RGS7: variants seen among roughly 807,000 people sequenced by gnomAD.
RGS7 encodes the protein regulator of G protein signaling 7.
A neutral mutation model predicts 81.1 loss-of-function variants in RGS7; 27 were observed. The ratio of observed to expected loss-of-function variants is 0.33; its 90% CI spans 0.25 to 0.46. The LOEUF is 0.46. Among genes scored for constraint, RGS7 ranks in the 20% least tolerant of loss-of-function variants. The pLI is 1.00. For synonymous variants in RGS7, 208 were observed against 207.7 expected, an observed-to-expected ratio of 1.00 and a Z score of -0.01; for missense variants, 396 against 607.4, an observed-to-expected ratio of 0.65 and a Z score of 3.66.
intron 2 of RGS7, among the ~76,000 whole-genome samples, chr1:241,353,604 G>A (rs1573811914): frequency 6.6e-6 from 1 of 152,122 alleles, no homozygotes; most frequent in Admixed American, 6.6e-5. Flanking sequence ...TTCCAATAAT[G>A]CCTTATCAAG....
At chr1:240,833,305 G>A (rs1015496647) in intron 9 of RGS7, among the ~76,000 whole-genome samples, 1 of 152,140 alleles carries the variant, frequency 6.6e-6, no homozygotes, top group African/African-American at 2.4e-5. Context: ...TGGGATAGAC[G>A]AGATTTCATC....
At chr1:240,786,559 T>A (rs1685102113) in intron 18 of RGS7, among the ~76,000 whole-genome samples, 1 of 152,162 alleles carries the variant, frequency 6.6e-6, no homozygotes, top group African/African-American at 2.4e-5. Context: ...TATGTACATA[T>A]AAACACACAC....
chr1:241,294,286 G>C (rs1252142518), intron 2 of RGS7, among the ~76,000 whole-genome samples: 4 of 151,750 alleles, frequency 2.6e-5, no homozygotes, highest in African/African-American at 9.7e-5. Context: ...ACTGGGACCT[G>C]TCGGGGGTGG....
intron 6 of RGS7, among the ~76,000 whole-genome samples, chr1:240,924,592 C>T (rs1674120325): frequency 6.6e-6 from 1 of 152,188 alleles, no homozygotes; most frequent in Non-Finnish European, 1.5e-5. Flanking sequence ...TCTCTCCCTT[C>T]CATACTAAAT....
intron 3 of RGS7, 74 bp downstream of exon 3, chr1:241,098,592 A>G (rs1329994009): frequency 3.1e-6 from 3 of 966,978 alleles, no homozygotes; most frequent in Non-Finnish European, 5.0e-6. Flanking sequence ...TCAATAGTGA[A>G]CAGCTGGAAT....
chr1:240,998,348 A>G (rs575226), intron 3 of RGS7: 147,949 of 470,974 alleles, frequency 0.31, 24,565 homozygotes, highest in Admixed American at 0.46. Context: ...CTGAAGGTTT[A>G]TATCTTTGCT....
At chr1:240,833,477 G>A (rs1054089074) in intron 9 of RGS7, among the ~76,000 whole-genome samples, 1 of 152,112 alleles carries the variant, frequency 6.6e-6, no homozygotes, top group African/African-American at 2.4e-5. Context: ...ACTTACTATG[G>A]CTCAACTTAA....
At chr1:241,309,459 C>G (rs2080378546) in intron 2 of RGS7, among the ~76,000 whole-genome samples, 1 of 146,394 alleles carries the variant, frequency 6.8e-6, no homozygotes, top group Non-Finnish European at 1.5e-5. Context: ...CTATGAGAAA[C>G]AGAAATCACC....
At chr1:241,080,394 C>T (rs1305500415) in intron 3 of RGS7, among the ~76,000 whole-genome samples, 3 of 151,622 alleles carry the variant, frequency 2.0e-5, no homozygotes, top group African/African-American at 7.3e-5. Flanking sequence ...CAAAAAATAC[C>T]CTTTGGCTAT....
chr1:241,111,668 G>A (rs533491540), intron 2 of RGS7, among the ~76,000 whole-genome samples: 2 of 152,138 alleles, frequency 1.3e-5, no homozygotes, highest in East Asian at 3.9e-4. Flanking sequence ...TCTATTGATG[G>A]CCACTGGGCA....
At chr1:241,110,975 G>A (rs985898266) in intron 2 of RGS7, among the ~76,000 whole-genome samples, 4 of 152,042 alleles carry the variant, frequency 2.6e-5, no homozygotes, top group African/African-American at 7.2e-5. Context: ...GTGAGCCACC[G>A]TGCTTGGCCA....
chr1:240,886,441 A>G (rs533486768), intron 6 of RGS7, among the ~76,000 whole-genome samples: 1 of 152,332 alleles, frequency 6.6e-6, no homozygotes, highest in African/African-American at 2.4e-5. Context: ...GAGACACTAA[A>G]ATAACTGTAT....
chr1:241,207,046 G>A (rs2147894377), intron 2 of RGS7, among the ~76,000 whole-genome samples: 1 of 128,148 alleles, frequency 7.8e-6, no homozygotes, highest in African/African-American at 2.9e-5. Flanking sequence ...TGGGCTCCCT[G>A]CAAGCTCCGC....
At chr1:240,861,423 A>G (rs1558370203) in intron 9 of RGS7, among the ~76,000 whole-genome samples, 1 of 152,100 alleles carries the variant, frequency 6.6e-6, no homozygotes, top group Non-Finnish European at 1.5e-5. Flanking sequence ...GAACTCTAAA[A>G]TTATGAATCT....
At chr1:241,146,937 C>A (rs1275686256) in intron 2 of RGS7, among the ~76,000 whole-genome samples, 1 of 152,190 alleles carries the variant, frequency 6.6e-6, no homozygotes, top group Non-Finnish European at 1.5e-5. Flanking sequence ...CCCCAAGCCC[C>A]AGCCTCCTAA....
intron 2 of RGS7, among the ~76,000 whole-genome samples, chr1:241,354,712 C>G (rs1430440677): frequency 2.6e-5 from 4 of 152,204 alleles, no homozygotes; most frequent in Non-Finnish European, 5.9e-5. Context: ...ACATCTTGAA[C>G]TCTTCAATGG....
intron 3 of RGS7, among the ~76,000 whole-genome samples, chr1:241,027,793 G>A (rs951486781): frequency 2.6e-5 from 4 of 152,142 alleles, no homozygotes; most frequent in Non-Finnish European, 4.4e-5. Flanking sequence ...ATTGGGTTTT[G>A]TGGAACTTAA....
Position 240,883,991 on chromosome 1 carries a change from G to A in RGS7, c.386-13872C>T, listed in dbSNP as rs1002857518. On this transcript the variant is annotated intron_variant, in intron 6 of 18. Transcript: ENST00000440928. ...CTCGGGAGGCTGAGGCAGGAGAATC[G>A]CTCGAACCTGGGAGGCAGAGGTTGT... is the stretch of plus-strand genomic sequence containing the variant. Among the ~76,000 whole-genome samples the A allele has an allele frequency of 3.4e-5, 5 of 145,462 alleles. No homozygotes were observed. The East Asian group carries it at 8.3e-4, about 24-fold the overall frequency.
chr1:240,803,295 A>G (rs1371533601), intron 15 of RGS7, among the ~76,000 whole-genome samples: 1 of 152,172 alleles, frequency 6.6e-6, no homozygotes, highest in African/African-American at 2.4e-5. Context: ...GTTGACTTAT[A>G]TAGATCACTA....
Sources: gnomAD v4.1 joint callset for allele counts (sites outside exome capture counted in the v4.1 genomes callset) on GRCh38, gnomAD v4.1.1 for gene constraint, MANE v1.5 for transcripts, NCBI Gene and HGNC (gene_info 2026-07-23, HGNC 2026-07-21) for gene names.